ANKS1B: variants seen among roughly 807,000 people sequenced by gnomAD.
The protein encoded by ANKS1B is ankyrin repeat and sterile alpha motif domain-containing protein 1B.
In ANKS1B, 36 loss-of-function variants were observed where a neutral mutation model predicts 148.3. The observed-to-expected ratio is 0.24, with a 90% CI of 0.19 to 0.32. The LOEUF (loss-of-function observed/expected upper bound fraction) is 0.32. Ranked by LOEUF, ANKS1B falls within the 10% of genes least tolerant of loss-of-function variation. The pLI, the probability that ANKS1B is intolerant of heterozygous loss-of-function variation, is 1.00. For synonymous variants in ANKS1B, 542 were observed against 560.8 expected (o/e 0.97, Z 0.47); for missense variants, 1,157 against 1,542.6 (o/e 0.75, Z 4.19).
chr12:99,801,764 T>C (rs1353926552), intron 4 of ANKS1B, among the ~76,000 whole-genome samples: 7 of 152,134 alleles, frequency 4.6e-5, no homozygotes, highest in Non-Finnish European at 8.8e-5. Context: ...ACAGAAAATA[T>C]TTGTCAGAGT....
chr12:99,907,228 C>T (rs1414368338), intron 1 of ANKS1B, among the ~76,000 whole-genome samples: 1 of 152,162 alleles, frequency 6.6e-6, no homozygotes, highest in Non-Finnish European at 1.5e-5. Flanking sequence ...TAAGCACCAT[C>T]AGTTCTGTGT....
At chr12:98,903,431 AC>A (rs1334913703) in intron 17 of ANKS1B, among the ~76,000 whole-genome samples, 3 of 152,144 alleles carry the variant, frequency 2.0e-5, no homozygotes, top group African/African-American at 7.2e-5. Context: ...TGTTGGAACT[AC>A]TGGGAAAAAG....
At chr12:99,535,553 T>C (rs1321399534) in intron 9 of ANKS1B, among the ~76,000 whole-genome samples, 2 of 152,214 alleles carry the variant, frequency 1.3e-5, no homozygotes, top group African/African-American at 2.4e-5. Context: ...CTCTCTAGCA[T>C]AGCGCTGTAT....
intron 12 of ANKS1B, among the ~76,000 whole-genome samples, chr12:99,256,674 A>AT (rs2075296878): frequency 6.6e-6 from 1 of 152,166 alleles, no homozygotes; most frequent in African/African-American, 2.4e-5. Flanking sequence ...GTTTGAAGAA[A>AT]TTATTCCACT....
At chr12:99,614,460 A>AGGAGGGGAGGGGAGGGAAGGGGAGG (rs2097931084) in intron 9 of ANKS1B, among the ~76,000 whole-genome samples, 1 of 55,698 alleles carries the variant, frequency 1.8e-5, no homozygotes, top group African/African-American at 6.9e-5. Context: ...GGAAGGGAAG[A>AGGAGGGGAGGGGAGGGAAGGGGAGG]GGAGGGGAGG....
At chr12:99,465,428 A>C (rs1171662042) in intron 10 of ANKS1B, among the ~76,000 whole-genome samples, 1 of 152,224 alleles carries the variant, frequency 6.6e-6, no homozygotes, top group Non-Finnish European at 1.5e-5. Context: ...ACAGGATCAA[A>C]TTCAAACATA....
chr12:99,428,490 G>T (rs1388528308), intron 11 of ANKS1B, among the ~76,000 whole-genome samples: 1 of 152,132 alleles, frequency 6.6e-6, no homozygotes, highest in Non-Finnish European at 1.5e-5. Context: ...GACTGTCAGA[G>T]AATAGAACTA....
At chr12:99,793,208 G>C (rs1183702110) in intron 4 of ANKS1B, among the ~76,000 whole-genome samples, 1 of 151,934 alleles carries the variant, frequency 6.6e-6, no homozygotes, top group Non-Finnish European at 1.5e-5. Context: ...AAAATGGAAA[G>C]ATATTCCATG....
chr12:99,829,956 C>G (rs1433758412), intron 1 of ANKS1B, among the ~76,000 whole-genome samples: 2 of 152,230 alleles, frequency 1.3e-5, no homozygotes, highest in Admixed American at 1.3e-4. Context: ...AACAAACAAA[C>G]CAAATTCCTA....
At chr12:99,189,869 G>T (rs138184056) in intron 14 of ANKS1B, among the ~76,000 whole-genome samples, 1 of 152,036 alleles carries the variant, frequency 6.6e-6, no homozygotes, top group Admixed American at 6.6e-5. Context: ...AGAAATAAAG[G>T]GTATTCAAAT....
intron 9 of ANKS1B, among the ~76,000 whole-genome samples, chr12:99,564,550 C>T (rs1437688975): frequency 6.6e-6 from 1 of 151,910 alleles, no homozygotes; most frequent in Non-Finnish European, 1.5e-5. Context: ...CTTGTATTTT[C>T]TCTATTTTAA....
chr12:98,779,076 T>C (rs918805033), intron 24 of ANKS1B, among the ~76,000 whole-genome samples: 2 of 152,254 alleles, frequency 1.3e-5, no homozygotes, highest in Admixed American at 1.3e-4. Context: ...TCTGAAAATA[T>C]GTTGAGGACC....
chr12:99,671,453 T>A (rs1286255238), intron 8 of ANKS1B, among the ~76,000 whole-genome samples: 1 of 152,174 alleles, frequency 6.6e-6, no homozygotes, highest in Non-Finnish European at 1.5e-5. Flanking sequence ...CCCCCATTAT[T>A]AAATAGCAAT....
intron 9 of ANKS1B, among the ~76,000 whole-genome samples, chr12:99,592,766 T>G (rs1439681575): frequency 6.6e-6 from 1 of 152,160 alleles, no homozygotes; most frequent in African/African-American, 2.4e-5. Flanking sequence ...CAGGAGATCC[T>G]GAGAACATGT....
rs35638322 is a variant in ANKS1B at position 99,643,008 on chromosome 12, TC to T, written c.1272+12058del. Among the ~76,000 whole-genome samples, 453 of 151,420 alleles carry T rather than the reference TC, an allele frequency of 3.0e-3. 2 individuals are homozygous for T. The highest frequency in any genetic ancestry group is 9.7e-3 in the African/African-American group (399 of 41,226). ...GGCACACATTGATAATCCAGGATAA[TC>T]CCCCCCCATCATAAGATCCTTTAGT... On this transcript the variant is annotated intron_variant, in intron 9 of 26. Transcript: ENST00000683438.
intron 17 of ANKS1B, among the ~76,000 whole-genome samples, chr12:98,964,917 C>CT (rs1400398276): frequency 1.3e-5 from 2 of 151,790 alleles, no homozygotes; most frequent in East Asian, 3.9e-4. Context: ...TTTGATAGCA[C>CT]AACAGGTTAA....
intron 8 of ANKS1B, among the ~76,000 whole-genome samples, chr12:99,765,280 T>G (rs941562606): frequency 6.6e-6 from 1 of 152,168 alleles, no homozygotes; most frequent in Admixed American, 6.5e-5. Context: ...TAGTGAAAAT[T>G]TAGTACTTAA....
chr12:99,889,000 A>ACACACACAC (rs1555228591), intron 1 of ANKS1B, among the ~76,000 whole-genome samples: 5 of 147,148 alleles, frequency 3.4e-5, no homozygotes, highest in South Asian at 2.2e-4. Context: ...ACACACACAC[A>ACACACACAC]ACTAGAGACT....
Position 99,568,284 on chromosome 12 carries a change from A to G in ANKS1B, c.1273-63643T>C, listed in dbSNP as rs940324847. 6.6e-5 allele frequency among the ~76,000 whole-genome samples: 10 copies of G among 152,278 alleles called. 1 individual carries two copies. The highest frequency in any genetic ancestry group is 2.6e-4 in the Admixed American group (4 of 15,290). The stretch of plus-strand genomic sequence containing the variant: ...TCCTCTACCTTCAAAAGCCAGCAGC[A>G]TATCATTTTCAAATCTCTCTCCTAC... On this transcript the variant is annotated intron_variant, in intron 9 of 26. Coordinates refer to ENST00000683438, the MANE Select transcript of ANKS1B (RefSeq NM_001352186.2).
Sources: allele counts gnomAD v4.1 joint callset (sites outside exome capture counted in the v4.1 genomes callset), GRCh38; gene constraint gnomAD v4.1.1; transcripts MANE v1.5; gene names NCBI Gene and HGNC (gene_info 2026-07-23, HGNC 2026-07-21).